Variants in ATG5 observed in about 807,000 individuals in gnomAD.
ATG5 encodes autophagy related 5, also known as autophagy protein 5.
In ATG5, 14 loss-of-function variants were observed where a neutral mutation model predicts 36.5. The ratio of observed to expected loss-of-function variants is 0.38; its 90% CI spans 0.25 to 0.60. ATG5 has a LOEUF of 0.60. ATG5 is among the 20% of genes least tolerant of loss of function. The pLI is 0.60. For missense variants in ATG5, 195 were observed against 326.7 expected (o/e 0.60, Z 3.11); for synonymous variants, 95 against 101.5 (o/e 0.94, Z 0.38).
chr6:106,184,537 G>C lies in ATG5; in HGVS notation c.*2003C>G, dbSNP rs1386593747. 1 of 152,152 alleles carries C rather than the reference G, an allele frequency of 6.6e-6. No individual in the cohort carries two copies. Among genetic ancestry groups the C allele is most frequent in the Non-Finnish European group, 1.5e-5 (1 of 67,976 alleles). 9.4% of individuals were successfully genotyped at this position (152,152 alleles called of 1,614,324 possible). ...ATTCAAATGAAAAGAAACAAAAATAGATTATTTAAGCCAGCATGAATTTCT... is the reference window on the plus strand; with the variant it reads ...ATTCAAATGAAAAGAAACAAAAATACATTATTTAAGCCAGCATGAATTTCT... On this transcript the variant is annotated 3_prime_UTR_variant, in exon 8 of 8. Transcript: ENST00000369076.
At chr6:106,235,749 C>A (rs1281201667) in intron 6 of ATG5, among the ~76,000 whole-genome samples, 1 of 147,742 alleles carries the variant, frequency 6.8e-6, no homozygotes, top group Non-Finnish European at 1.5e-5. Flanking sequence ...CGGCTACCTT[C>A]TTTGGGTCCC....
At chr6:106,209,018 T>C (rs1428686485) in intron 6 of ATG5, among the ~76,000 whole-genome samples, 1 of 152,112 alleles carries the variant, frequency 6.6e-6, no homozygotes, top group Non-Finnish European at 1.5e-5. Context: ...AAATAAAAAT[T>C]AGTGGTAACA....
chr6:106,289,531 G>A (rs180973485), intron 4 of ATG5, among the ~76,000 whole-genome samples: 2,131 of 152,014 alleles, frequency 0.014, 164 homozygotes, highest in Admixed American at 0.13. Flanking sequence ...CTTATTAACT[G>A]TAAGATTCTT....
At chr6:106,248,018 A>T (rs1354330929) in intron 6 of ATG5, 132 bp downstream of exon 6, 5 of 619,446 alleles carry the variant, frequency 8.1e-6, no homozygotes, top group Non-Finnish European at 8.2e-6. Context: ...TGCCACTGAA[A>T]GACACAGTTT....
chr6:106,246,091 T>C (rs1208393637), intron 6 of ATG5, among the ~76,000 whole-genome samples: 5 of 152,132 alleles, frequency 3.3e-5, no homozygotes, highest in African/African-American at 4.8e-5. Context: ...TTCTAAAACT[T>C]TAATTAAATT....
chr6:106,186,003 C>CA lies in ATG5; in HGVS notation c.*536dup, dbSNP rs1423545751. On this transcript the variant is annotated 3_prime_UTR_variant, in exon 8 of 8. Transcript: ENST00000369076. Reference sequence around the variant, plus strand: ...AGTTACAAGATTGCATACCAATAGACAGACTGTAAACATAGGAAATTTTCG... The same window carrying CA: ...AGTTACAAGATTGCATACCAATAGACAAGACTGTAAACATAGGAAATTTTCG... The CA allele has an allele frequency of 1.3e-5, 2 of 153,058 alleles. No individual in the cohort carries two copies. Among genetic ancestry groups the CA allele is most frequent in the Non-Finnish European group, 2.9e-5 (2 of 68,262 alleles). 9.5% of individuals were successfully genotyped at this position (153,058 alleles called of 1,614,324 possible).
chr6:106,269,037 A>T (rs558745010), intron 5 of ATG5, among the ~76,000 whole-genome samples: 95 of 152,332 alleles, frequency 6.2e-4, no homozygotes, highest in African/African-American at 2.2e-3. Context: ...CCTAGAACTT[A>T]AAGTAAAATA....
At chr6:106,199,629 C>T (rs1412415253) in intron 7 of ATG5, among the ~76,000 whole-genome samples, 2 of 152,012 alleles carry the variant, frequency 1.3e-5, no homozygotes, top group South Asian at 2.1e-4. Context: ...GATGGTTGCA[C>T]AACTCTATAA....
At chr6:106,288,409 G>A (rs374730056) in intron 4 of ATG5, among the ~76,000 whole-genome samples, 28 of 152,076 alleles carry the variant, frequency 1.8e-4, no homozygotes, top group African/African-American at 6.5e-4. Context: ...GCTTGAAGAA[G>A]GTACCATTTT....
intron 5 of ATG5, among the ~76,000 whole-genome samples, chr6:106,271,939 C>T (rs1036008340): frequency 6.6e-6 from 1 of 152,188 alleles, no homozygotes; most frequent in African/African-American, 2.4e-5. Context: ...GTTCCCTCTG[C>T]CTAGGAAGTT....
chr6:106,246,386 TCTCTCTCACACACACACA>T (rs1228133155), intron 6 of ATG5, among the ~76,000 whole-genome samples: 2 of 96,162 alleles, frequency 2.1e-5, no homozygotes, highest in African/African-American at 4.6e-5. Flanking sequence ...TCTCTCTCTC[TCTCTCTCACACACACACA>T]CACACACACA....
intron 3 of ATG5, among the ~76,000 whole-genome samples, chr6:106,306,665 C>T (rs1770458498): frequency 6.6e-6 from 1 of 152,194 alleles, no homozygotes; most frequent in Admixed American, 6.5e-5. Context: ...ATCTGTAATA[C>T]ATATAATGCA....
chr6:106,314,835 G>C (rs945098457), intron 2 of ATG5, among the ~76,000 whole-genome samples: 1 of 152,148 alleles, frequency 6.6e-6, no homozygotes, highest in African/African-American at 2.4e-5. Flanking sequence ...GTTTTTAACT[G>C]TGGATGTTTT....
At chr6:106,250,079 C>T (rs1349269357) in intron 5 of ATG5, among the ~76,000 whole-genome samples, 1 of 152,022 alleles carries the variant, frequency 6.6e-6, no homozygotes, top group Non-Finnish European at 1.5e-5. Flanking sequence ...CACCCAGAAT[C>T]CCACCTTATA....
At chr6:106,188,056 C>T (rs1775838795) in intron 7 of ATG5, among the ~76,000 whole-genome samples, 1 of 152,138 alleles carries the variant, frequency 6.6e-6, no homozygotes, top group Non-Finnish European at 1.5e-5. Flanking sequence ...TGCACCTATA[C>T]ATAATTTGAC....
intron 4 of ATG5, among the ~76,000 whole-genome samples, chr6:106,289,625 T>A (rs1025362438): frequency 3.3e-5 from 5 of 152,138 alleles, no homozygotes; most frequent in Non-Finnish European, 7.4e-5. Flanking sequence ...TTTATGTGGA[T>A]TATATTACTG....
chr6:106,187,663 G>C (rs1041650612), intron 7 of ATG5, among the ~76,000 whole-genome samples: 1 of 152,114 alleles, frequency 6.6e-6, no homozygotes, highest in African/African-American at 2.4e-5. Flanking sequence ...CTATAAAGGA[G>C]AAATACCCTA....
intron 6 of ATG5, among the ~76,000 whole-genome samples, chr6:106,233,379 T>A (rs1022981437): frequency 5.3e-5 from 8 of 152,256 alleles, no homozygotes; most frequent in Non-Finnish European, 1.2e-4. Flanking sequence ...AATACCCATT[T>A]AGTAAGATGG....
intron 6 of ATG5, among the ~76,000 whole-genome samples, chr6:106,213,921 G>C (rs774689589): frequency 1.1e-4 from 17 of 152,094 alleles, no homozygotes; most frequent in Non-Finnish European, 1.9e-4. Context: ...ACCAAGAAAG[G>C]TAACAGTATT....
Sources: allele counts gnomAD v4.1 joint callset (sites outside exome capture counted in the v4.1 genomes callset), GRCh38; gene constraint gnomAD v4.1.1; transcripts MANE v1.5; gene names NCBI Gene and HGNC (gene_info 2026-07-23, HGNC 2026-07-21).